TULP4: variants seen among roughly 807,000 people sequenced by gnomAD.
The protein encoded by TULP4 is tubby-related protein 4.
TULP4 carries 16 observed loss-of-function variants against 129.0 expected under a neutral mutation model. That is an observed-to-expected ratio of 0.12 (90% confidence interval 0.08 to 0.19). The LOEUF (loss-of-function observed/expected upper bound fraction) is 0.19. TULP4 is among the 10% of genes least tolerant of loss of function. The probability of loss-of-function intolerance (pLI) is 1.00; values close to 1 mark genes in which losing one functional copy is unlikely to be tolerated. For synonymous variants in TULP4, 998 were observed against 854.0 expected (o/e 1.17, Z -2.94); for missense variants, 1,842 against 2,059.1 (o/e 0.89, Z 2.04).
intron 1 of TULP4, among the ~76,000 whole-genome samples, chr6:158,283,702 A>T (rs949318491): frequency 1.3e-5 from 2 of 152,218 alleles, no homozygotes; most frequent in Non-Finnish European, 2.9e-5. Flanking sequence ...TTCAGAACTA[A>T]CTGTTAAAGT....
At chr6:158,480,067 A>G in intron 7 of TULP4, 92 bp downstream of exon 7, 1 of 1,013,908 alleles carries the variant, frequency 9.9e-7, no homozygotes, top group East Asian at 2.5e-5. Context: ...TACCAGAGTG[A>G]GCACATGGGG....
chr6:158,420,281 T>C (rs1316229902), intron 2 of TULP4, among the ~76,000 whole-genome samples: 2 of 152,200 alleles, frequency 1.3e-5, no homozygotes, highest in Admixed American at 1.3e-4. Context: ...CTTAAAACCA[T>C]TCTCAGTTTG....
intron 5 of TULP4, among the ~76,000 whole-genome samples, chr6:158,458,596 G>A (rs563026919): frequency 1.8e-4 from 28 of 152,258 alleles, no homozygotes; most frequent in African/African-American, 5.8e-4. Flanking sequence ...TATTACTCAA[G>A]TCTTGGGCAA....
chr6:158,489,517 A>C, intron 8 of TULP4, 71 bp from the exon 9 acceptor site: 1 of 1,583,306 alleles, frequency 6.3e-7, no homozygotes, highest in Non-Finnish European at 8.6e-7. Context: ...CTTTTAGTTT[A>C]TAGTAATGAT....
intron 1 of TULP4, among the ~76,000 whole-genome samples, chr6:158,275,129 C>A (rs1778621322): frequency 6.6e-6 from 1 of 152,352 alleles, no homozygotes; most frequent in African/African-American, 2.4e-5. Context: ...TAGACTGGAA[C>A]ACAGTCCAGT....
At position 158,312,952 on chromosome 6, in the gene TULP4, A is replaced by G. The variant is rs1273423981; in HGVS notation, c.-1065A>G. ...CTGTCAAGTCCAAGAAGACTTGCGTATGAGAAGATTACCTGATGGACTTAA... is the reference window on the plus strand; with the variant it reads ...CTGTCAAGTCCAAGAAGACTTGCGTGTGAGAAGATTACCTGATGGACTTAA... On this transcript the variant is annotated 5_prime_UTR_variant, in exon 1 of 14. The change abolishes an upstream ATG in the 5' untranslated region. Coordinates refer to ENST00000367097, the MANE Select transcript of TULP4 (RefSeq NM_020245.5). 2.0e-5 allele frequency: 3 copies of G among 152,290 alleles called. No individual in the cohort carries two copies. Among genetic ancestry groups the G allele is most frequent in the African/African-American group, 7.2e-5 (3 of 41,458 alleles). 9.4% of individuals were successfully genotyped at this position (152,290 alleles called of 1,614,324 possible).
At chr6:158,302,336 T>G (rs1779146826) in intron 1 of TULP4, among the ~76,000 whole-genome samples, 1 of 152,208 alleles carries the variant, frequency 6.6e-6, no homozygotes, top group African/African-American at 2.4e-5. Context: ...AGAAATAGTC[T>G]TTAAGATCAG....
intron 1 of TULP4, among the ~76,000 whole-genome samples, chr6:158,402,097 G>A (rs1307234979): frequency 6.6e-6 from 1 of 152,188 alleles, no homozygotes; most frequent in Admixed American, 6.5e-5. Flanking sequence ...ATGAGGACAA[G>A]TTAAATAAAA....
At chr6:158,453,406 C>A (rs896381186) in intron 5 of TULP4, among the ~76,000 whole-genome samples, 1 of 146,470 alleles carries the variant, frequency 6.8e-6, no homozygotes, top group Non-Finnish European at 1.5e-5. Flanking sequence ...ATGGCATGAA[C>A]CCGAGAGGCA....
intron 2 of TULP4, among the ~76,000 whole-genome samples, chr6:158,422,039 A>G (rs1026410679): frequency 7.2e-5 from 11 of 152,204 alleles, no homozygotes; most frequent in African/African-American, 1.9e-4. Context: ...AACTGTGATC[A>G]TTGGTCAGAT....
chr6:158,384,374 A>G (rs1435989533), intron 1 of TULP4, among the ~76,000 whole-genome samples: 1 of 147,322 alleles, frequency 6.8e-6, no homozygotes, highest in Non-Finnish European at 1.5e-5. Context: ...TGCAAGCTCC[A>G]CCTCCTGGGT....
At chr6:158,329,941 A>G (rs1417608719) in intron 1 of TULP4, among the ~76,000 whole-genome samples, 2 of 152,236 alleles carry the variant, frequency 1.3e-5, no homozygotes, top group Non-Finnish European at 2.9e-5. Context: ...TTTTAAAAAA[A>G]GCATTATTAT....
At chr6:158,242,477 T>C (rs938064264) in intron 1 of TULP4, 13 of 835,326 alleles carry the variant, frequency 1.6e-5, no homozygotes, top group Admixed American at 5.2e-5. Context: ...GTAACACTTA[T>C]CCATAAAGCT....
rs10630413 is a variant in TULP4, at chr6:158,325,355, C to CT, written c.252+11102dup. Among the ~76,000 whole-genome samples the CT allele has an allele frequency of 7.7e-3, 1,070 of 139,436 alleles. 43 individuals carry two copies. Among genetic ancestry groups the CT allele is most frequent in the African/African-American group, 0.017 (625 of 37,606 alleles). 91.5% of individuals were successfully genotyped at this position (139,436 alleles called of 152,430 possible). A position where few individuals can be genotyped will look rare whatever the true frequency, so the allele number is the denominator to read the frequency against. ...TGAAGGGATTTGAGGAACAGCTTTT[C>CT]TTTTTTTTTTTTTTTCAGACAGAGT... On this transcript the variant is annotated intron_variant, in intron 1 of 13. Coordinates refer to ENST00000367097, the MANE Select transcript of TULP4 (RefSeq NM_020245.5).
At chr6:158,272,832 G>A (rs907628933) in intron 1 of TULP4, among the ~76,000 whole-genome samples, 2 of 152,212 alleles carry the variant, frequency 1.3e-5, no homozygotes, top group African/African-American at 4.8e-5. Flanking sequence ...TAGTAGATGT[G>A]TAGTTCTCAA....
chr6:158,331,207 T>C (rs1166368360), intron 1 of TULP4, among the ~76,000 whole-genome samples: 1 of 152,220 alleles, frequency 6.6e-6, no homozygotes, highest in African/African-American at 2.4e-5. Context: ...GATTCTTCCA[T>C]GAGCCAGTCT....
chr6:158,322,473 AAT>A (rs1474656763), intron 1 of TULP4, among the ~76,000 whole-genome samples: 1 of 152,178 alleles, frequency 6.6e-6, no homozygotes, highest in Non-Finnish European at 1.5e-5. Context: ...AACCTGAGAT[AAT>A]ATGTTTTTGG....
chr6:158,236,307 A>G (rs571721898), intron 1 of TULP4, among the ~76,000 whole-genome samples: 1 of 152,376 alleles, frequency 6.6e-6, no homozygotes, highest in East Asian at 1.9e-4. Context: ...GAGCAAAAAG[A>G]CAAATGACAA....
Position 158,493,649 on chromosome 6 carries a change from C to A in TULP4, c.1708C>A (p.Leu570Met). 6.3e-7 allele frequency: 1 copy of A among 1,599,148 alleles called. No individual in the cohort carries two copies. The change falls in exon 10 of 14, where the codon CTG (leucine) becomes ATG (methionine). Residue 570 changes from leucine (L) to methionine (M), a missense_variant. Physicochemically the swap from Leu to Met is conservative, Grantham distance 15. This residue lies in a region of TULP4 where 456 missense variants were observed against 534.3 expected (regional missense o/e 0.85). Transcript: ENST00000367097. The surrounding 1 kb of genome is among the most constrained non-coding windows in gnomAD (Gnocchi z 4.4). ...QELSRSPRLP[L>M]RKPSVGSPSL... ...GCTCTCCCGGTCCCCACGGTTGCCC[C>A]TGCGCAAGCCCTCTGTGGGCTCGCC...
Sources: gnomAD v4.1 joint callset for allele counts (sites outside exome capture counted in the v4.1 genomes callset) on GRCh38, gnomAD v4.1.1 for gene constraint, gnomAD v4.1.1 regional missense constraint, Gnocchi (gnomAD v3.1) non-coding constraint, MANE v1.5 for transcripts, NCBI Gene and HGNC (gene_info 2026-07-23, HGNC 2026-07-21) for gene names.